The following NDUFB6 variants were observed in gnomAD, a reference collection of about 807,000 sequenced individuals.
NDUFB6 encodes NADH dehydrogenase [ubiquinone] 1 beta subcomplex subunit 6.
In NDUFB6, 23 loss-of-function variants were observed where a neutral mutation model predicts 17.5. The observed-to-expected ratio is 1.31, with a 90% CI of 0.94 to 1.86. NDUFB6 has a LOEUF of 1.86. Among genes scored for constraint, NDUFB6 ranks in the 40% most tolerant of loss-of-function variants. The pLI is 0.00. For missense variants in NDUFB6, 167 were observed against 153.8 expected (o/e 1.09, Z -0.46); for synonymous variants, 60 against 53.5 (o/e 1.12, Z -0.53).
Position 32,572,898 on chromosome 9 carries a change from A to ATTCTC in NDUFB6, c.162_163insGAGAA (p.Ser55GlufsTer34). 6.3e-7 allele frequency: 1 copy of ATTCTC among 1,596,972 alleles called. No homozygotes were observed. Among genetic ancestry groups the ATTCTC allele is most frequent in the Non-Finnish European group, 8.5e-7 (1 of 1,171,480 alleles). On this transcript the variant is annotated frameshift_variant, in exon 1 of 4. Transcript: ENST00000379847. LOFTEE classifies it high-confidence loss of function. ...TCACTCACCATTTTCCTCCAAGGGG[A>ATTCTC]TTTATTCTCCAAAAATTTATTCCAG... is the stretch of plus-strand genomic sequence containing the variant.
chr9:32,569,155 A>G (rs944196273), intron 2 of NDUFB6, among the ~76,000 whole-genome samples: 1 of 152,166 alleles, frequency 6.6e-6, no homozygotes, highest in Non-Finnish European at 1.5e-5. Flanking sequence ...CATTAGCAAA[A>G]AGATCATACA....
At chr9:32,563,504 T>TTTTTTTTTTTTTTTTTTTG (rs74178817) in intron 2 of NDUFB6, among the ~76,000 whole-genome samples, 1 of 148,768 alleles carries the variant, frequency 6.7e-6, no homozygotes, top group African/African-American at 2.5e-5. Context: ...TTTTTTTTTT[T>TTTTTTTTTTTTTTTTTTTG]GGAGGGATGG....
At position 32,573,004 on chromosome 9, in the gene NDUFB6, T is replaced by G. The variant is rs1177158317; in HGVS notation, c.57A>C (p.Arg19Ser). The part of the protein sequence containing the change: ...KLRLQQLREL[R>S]RRWLKDQELS... ...GCTCCTGGTCCTTCAGCCATCGCCT[T>G]CTCAGCTCTCGCAGCTGCTGCAGCC... is the stretch of plus-strand genomic sequence containing the variant. Residue 19 changes from arginine (R) to serine (S), a missense_variant, in exon 1 of 4, where the codon AGA becomes AGC. By Grantham distance (110) the Arg-to-Ser change is moderately radical. Transcript: ENST00000379847. 6.2e-7 allele frequency: 1 copy of G among 1,608,890 alleles called. No individual in the cohort carries two copies. The highest frequency in any genetic ancestry group is 1.1e-5 in the South Asian group (1 of 90,818).
chr9:32,556,598 A>G (rs1171477266), intron 3 of NDUFB6, among the ~76,000 whole-genome samples: 1 of 152,226 alleles, frequency 6.6e-6, no homozygotes, highest in Non-Finnish European at 1.5e-5. Context: ...AAAGAACCAC[A>G]GTGGCAAAAA....
chr9:32,559,855 CT>C (rs1351838728), intron 2 of NDUFB6, among the ~76,000 whole-genome samples: 1 of 152,188 alleles, frequency 6.6e-6, no homozygotes, highest in Non-Finnish European at 1.5e-5. Flanking sequence ...TCAATCTGCT[CT>C]GTTCACTGCT....
intron 2 of NDUFB6, among the ~76,000 whole-genome samples, chr9:32,569,993 A>G: frequency 6.6e-6 from 1 of 152,166 alleles, no homozygotes; most frequent in East Asian, 1.9e-4. Context: ...GCATTGTTCT[A>G]CAACCAATTC....
intron 3 of NDUFB6, among the ~76,000 whole-genome samples, chr9:32,557,624 T>C (rs887277017): frequency 1.3e-5 from 2 of 151,208 alleles, no homozygotes; most frequent in Non-Finnish European, 3.0e-5. Flanking sequence ...GGATTACAGG[T>C]GCCCGCCACC....
rs1045045878 is a variant in NDUFB6, at chr9:32,553,739, T to C, written c.*137A>G. ...TATTGTTAAATTACTCAGTCTCAAA[T>C]TGTACAATGCTTGAAAACAGATATG... On this transcript the variant is annotated 3_prime_UTR_variant, in exon 4 of 4. Coordinates refer to ENST00000379847, the MANE Select transcript of NDUFB6 (RefSeq NM_002493.5). 9.8e-5 allele frequency: 63 copies of C among 640,782 alleles called. No homozygotes were observed. The highest frequency in any genetic ancestry group is 4.7e-4 in the Admixed American group (15 of 32,090). 39.7% of individuals were successfully genotyped at this position (640,782 alleles called of 1,614,324 possible).
At chr9:32,559,927 A>C (rs1443835196) in intron 2 of NDUFB6, among the ~76,000 whole-genome samples, 1 of 152,228 alleles carries the variant, frequency 6.6e-6, no homozygotes, top group Non-Finnish European at 1.5e-5. Flanking sequence ...TAATTGTTGA[A>C]TACATGTACT....
chr9:32,567,022 G>A (rs1176677341), intron 2 of NDUFB6: 1 of 503,484 alleles, frequency 2.0e-6, no homozygotes, highest in Admixed American at 2.4e-5. Flanking sequence ...GCTAGAAGCA[G>A]AGGTAGCCCT....
chr9:32,563,491 C>CTTTTT (rs111646430), intron 2 of NDUFB6, among the ~76,000 whole-genome samples: 2 of 92,004 alleles, frequency 2.2e-5, no homozygotes, highest in African/African-American at 8.9e-5. Context: ...GACTATTGGG[C>CTTTTT]TTTTTTTTTT....
chr9:32,564,516 T>A (rs200040913), intron 2 of NDUFB6, among the ~76,000 whole-genome samples: 84,317 of 151,466 alleles, frequency 0.56, 23,730 homozygotes, highest in Middle Eastern at 0.68. Context: ...TACACTTTTT[T>A]AAAAAAAAGT....
Position 32,572,810 on chromosome 9 carries a change from G to A in NDUFB6, c.180+71C>T, listed in dbSNP as rs895591591. On this transcript the variant is annotated intron_variant, in intron 1 of 3. Transcript: ENST00000379847. The stretch of plus-strand genomic sequence containing the variant: ...AGTCCTTGGTGTGGCTGCAGGGAGC[G>A]GACGTTCAGTGTTCAGGCTGCCGGC... 13 of 1,372,768 alleles carry A rather than the reference G, an allele frequency of 9.5e-6. No individual in the cohort carries two copies. In the Middle Eastern group the frequency reaches 9.9e-4, roughly 104 times the overall value. The allele number at this position is 1,372,768 out of a possible 1,614,324, so 85.0% of individuals were successfully genotyped here. A position where few individuals can be genotyped will look rare whatever the true frequency, so the allele number is the denominator to read the frequency against.
At chr9:32,564,436 C>A (rs1434810261) in intron 2 of NDUFB6, among the ~76,000 whole-genome samples, 1 of 151,732 alleles carries the variant, frequency 6.6e-6, no homozygotes, top group African/African-American at 2.4e-5. Flanking sequence ...CTATCAGTGC[C>A]ATTTTTCTTT....
chr9:32,569,157 G>C (rs1285458524), intron 2 of NDUFB6, among the ~76,000 whole-genome samples: 1 of 152,124 alleles, frequency 6.6e-6, no homozygotes, highest in Non-Finnish European at 1.5e-5. Context: ...TTAGCAAAAA[G>C]ATCATACATA....
chr9:32,562,931 T>C (rs931934282), intron 2 of NDUFB6, among the ~76,000 whole-genome samples: 1 of 152,244 alleles, frequency 6.6e-6, no homozygotes, highest in Non-Finnish European at 1.5e-5. Flanking sequence ...TTGCATTTAG[T>C]TGGCATATCT....
chr9:32,567,405 T>G (rs1456033383), intron 2 of NDUFB6: 1 of 462,350 alleles, frequency 2.2e-6, no homozygotes, highest in Non-Finnish European at 4.4e-6. Flanking sequence ...CTTGGCTCAC[T>G]GCAACCTCCT....
intron 3 of NDUFB6, among the ~76,000 whole-genome samples, chr9:32,557,454 C>T (rs1231546834): frequency 6.6e-6 from 1 of 151,172 alleles, no homozygotes; most frequent in East Asian, 1.9e-4. Context: ...CAGGCATGAG[C>T]CCCCGATACC....
intron 3 of NDUFB6, among the ~76,000 whole-genome samples, chr9:32,557,529 G>T (rs1821500917): frequency 6.6e-6 from 1 of 151,500 alleles, no homozygotes; most frequent in African/African-American, 2.4e-5. Context: ...TCTGAGGCTG[G>T]AGTGCAGTGC....
Sources: gnomAD v4.1 joint callset for allele counts (sites outside exome capture counted in the v4.1 genomes callset) on GRCh38, gnomAD v4.1.1 for gene constraint, MANE v1.5 for transcripts, NCBI Gene and HGNC (gene_info 2026-07-23, HGNC 2026-07-21) for gene names.